The following SMC5 variants were observed in gnomAD, a reference collection of about 807,000 sequenced individuals.
SMC5 encodes the protein structural maintenance of chromosomes 5.
A neutral mutation model predicts 148.3 loss-of-function variants in SMC5; 88 were observed. That is an observed-to-expected ratio of 0.59 (90% confidence interval 0.50 to 0.71). The LOEUF is 0.71. SMC5 is among the 30% of genes least tolerant of loss of function. The probability of loss-of-function intolerance (pLI) is 0.00; values close to 1 mark genes in which losing one functional copy is unlikely to be tolerated. For synonymous variants in SMC5, 421 were observed against 432.8 expected (o/e 0.97, Z 0.34); for missense variants, 1,142 against 1,298.9 (o/e 0.88, Z 1.86).
chr9:70,260,802 G>C (rs567521429), intron 1 of SMC5, among the ~76,000 whole-genome samples: 32 of 152,182 alleles, frequency 2.1e-4, no homozygotes, highest in Non-Finnish European at 3.8e-4. Flanking sequence ...GAGCTCAGTG[G>C]CATGATCAGG....
chr9:70,345,524 G>C (rs1351730906), intron 18 of SMC5, among the ~76,000 whole-genome samples: 1 of 152,056 alleles, frequency 6.6e-6, no homozygotes, highest in Non-Finnish European at 1.5e-5. Context: ...GAACAGATCA[G>C]TCAAGTGAAG....
At chr9:70,342,504 G>GT (rs1351663432) in intron 17 of SMC5, among the ~76,000 whole-genome samples, 1 of 152,002 alleles carries the variant, frequency 6.6e-6, no homozygotes, top group Non-Finnish European at 1.5e-5. Flanking sequence ...ACCCCCAGCT[G>GT]TTTTTTGTGC....
Position 70,304,788 on chromosome 9 carries a change from A to T in SMC5, c.1465-459A>T, listed in dbSNP as rs1000506255. On this transcript the variant is annotated intron_variant, in intron 10 of 24. Transcript: ENST00000361138. ...GGGCTGTAATAGTTACAAATAAGCCATAGCAAGGTTTTTTTTTTTCCCCAT... is the reference window on the plus strand; with the variant it reads ...GGGCTGTAATAGTTACAAATAAGCCTTAGCAAGGTTTTTTTTTTTCCCCAT... Among the ~76,000 whole-genome samples, 9 of 147,826 alleles carry T rather than the reference A, an allele frequency of 6.1e-5. No individual in the cohort carries two copies. The South Asian group carries it at 2.0e-3, about 33-fold the overall frequency.
At chr9:70,347,891 T>C in intron 21 of SMC5, 28 bp from the exon 22 acceptor site, 12 of 1,553,528 alleles carry the variant, frequency 7.7e-6, no homozygotes, top group Non-Finnish European at 1.0e-5. Context: ...GCTTTTAAAT[T>C]GTGTTTTTAT....
In SMC5 at chr9:70,342,909, G is replaced by T. The variant is rs144214247; in HGVS notation, c.2398-1235G>T. On this transcript the variant is annotated intron_variant, in intron 17 of 24. Transcript: ENST00000361138. Reference sequence around the variant, plus strand: ...TAAAATTCATAATCACCTGTCCTTGGAATGTCATCTGCTGTATATGTTCCT... The same window carrying T: ...TAAAATTCATAATCACCTGTCCTTGTAATGTCATCTGCTGTATATGTTCCT... 3.9e-3 allele frequency among the ~76,000 whole-genome samples: 598 copies of T among 152,196 alleles called. 3 individuals are homozygous for T. Among genetic ancestry groups the T allele is most frequent in the African/African-American group, 0.013 (553 of 41,514 alleles).
At chr9:70,312,182 G>T (rs1440068526) in intron 11 of SMC5, 1 of 143,766 alleles carries the variant, frequency 7.0e-6, no homozygotes, top group Non-Finnish European at 1.5e-5. Flanking sequence ...AAGCAAAAGA[G>T]ATTTAATTGA....
At chr9:70,272,235 C>T (rs2034469302) in intron 3 of SMC5, among the ~76,000 whole-genome samples, 1 of 152,224 alleles carries the variant, frequency 6.6e-6, no homozygotes, top group African/African-American at 2.4e-5. Context: ...GACAGACCTA[C>T]TGCAGAAGGT....
At chr9:70,345,675 T>C (rs765279876) in intron 18 of SMC5, among the ~76,000 whole-genome samples, 3 of 151,838 alleles carry the variant, frequency 2.0e-5, no homozygotes, top group Non-Finnish European at 4.4e-5. Flanking sequence ...GAAGCCAAGA[T>C]TATGTAGGCC....
Position 70,353,076 on chromosome 9 carries a change from G to A in SMC5, c.*745G>A, listed in dbSNP as rs2036839487. ...GGTTTTTAAAGAATAACCTTTTAAA[G>A]TGTGGGGGCAGGGGTTGCTTTTTTT... On this transcript the variant is annotated 3_prime_UTR_variant, in exon 25 of 25. Coordinates refer to ENST00000361138, the MANE Select transcript of SMC5 (RefSeq NM_015110.4). The A allele has an allele frequency of 1.3e-5, 2 of 151,824 alleles. No individual in the cohort carries two copies. Among genetic ancestry groups the A allele is most frequent in the South Asian group, 2.1e-4 (1 of 4,814 alleles). 9.4% of individuals were successfully genotyped at this position (151,824 alleles called of 1,614,324 possible).
intron 8 of SMC5, among the ~76,000 whole-genome samples, chr9:70,296,070 G>A (rs2035193520): frequency 6.6e-6 from 1 of 152,058 alleles, no homozygotes; most frequent in Non-Finnish European, 1.5e-5. Context: ...GGGGATATGT[G>A]CATTTTGTTA....
rs1165122967 is a variant in SMC5, at chr9:70,344,282, A to G, written c.2523+13A>G. On this transcript the variant is annotated intron_variant, in intron 18 of 24. Coordinates refer to ENST00000361138, the MANE Select transcript of SMC5 (RefSeq NM_015110.4). ...AGAATACCAGACAGTAAGTATAAAA[A>G]GTATATAATGCTACAATTGCCATAT... 3 of 1,434,574 alleles carry G rather than the reference A, an allele frequency of 2.1e-6. No individual in the cohort carries two copies. The highest frequency in any genetic ancestry group is 2.5e-5 in the Admixed American group (1 of 39,600). The allele number at this position is 1,434,574 out of a possible 1,614,324, so 88.9% of individuals were successfully genotyped here.
At chr9:70,330,641 C>A (rs2036195209) in intron 17 of SMC5, among the ~76,000 whole-genome samples, 1 of 148,544 alleles carries the variant, frequency 6.7e-6, no homozygotes. Context: ...CTTCTGGGTT[C>A]AAGCGATTTT....
intron 10 of SMC5, among the ~76,000 whole-genome samples, chr9:70,302,150 TC>T (rs1283794703): frequency 2.6e-5 from 4 of 152,114 alleles, no homozygotes; most frequent in Non-Finnish European, 4.4e-5. Context: ...GGTAGGCAGA[TC>T]AGCTAACATC....
intron 10 of SMC5, among the ~76,000 whole-genome samples, chr9:70,301,511 T>C (rs897817469): frequency 1.5e-4 from 23 of 152,200 alleles, no homozygotes; most frequent in Non-Finnish European, 3.4e-4. Flanking sequence ...CCTACCATCA[T>C]ACACAAGTGA....
intron 10 of SMC5, among the ~76,000 whole-genome samples, chr9:70,302,091 G>C (rs1239635047): frequency 2.0e-5 from 3 of 152,194 alleles, no homozygotes; most frequent in Non-Finnish European, 4.4e-5. Flanking sequence ...CTTCCTTAAG[G>C]GTTGGGCACC....
At position 70,352,396 on chromosome 9, in the gene SMC5, C is replaced by A; in HGVS notation, c.*65C>A. ...AATTCTGTTTATAAGTATGGCTCAACTGAATAAAAGGAGATTCACTAAAAC... is the reference window on the plus strand; with the variant it reads ...AATTCTGTTTATAAGTATGGCTCAAATGAATAAAAGGAGATTCACTAAAAC... On this transcript the variant is annotated 3_prime_UTR_variant, in exon 25 of 25. Transcript: ENST00000361138. 6.9e-7 allele frequency: 1 copy of A among 1,458,244 alleles called. No homozygotes were observed. The highest frequency in any genetic ancestry group is 1.4e-5 in the South Asian group (1 of 71,354). 90.3% of individuals were successfully genotyped at this position (1,458,244 alleles called of 1,614,324 possible). A position where few individuals can be genotyped will look rare whatever the true frequency, so the allele number is the denominator to read the frequency against.
chr9:70,267,809 A>T (rs1053904450), intron 2 of SMC5, 114 bp from the exon 3 acceptor site: 2 of 839,538 alleles, frequency 2.4e-6, no homozygotes, highest in Non-Finnish European at 1.9e-6. Context: ...GAGCGAACAT[A>T]CAAGTGGTAC....
At chr9:70,273,361 C>A (rs1180110) in intron 3 of SMC5, among the ~76,000 whole-genome samples, 1 of 151,634 alleles carries the variant, frequency 6.6e-6, no homozygotes, top group African/African-American at 2.4e-5. Context: ...GACATGAATA[C>A]CATCCTCTTA....
chr9:70,288,950 T>C (rs956650953), intron 8 of SMC5, among the ~76,000 whole-genome samples: 1 of 152,240 alleles, frequency 6.6e-6, no homozygotes, highest in African/African-American at 2.4e-5. Flanking sequence ...CACACACATA[T>C]ATACATACGT....
Sources: gnomAD v4.1 joint callset for allele counts (sites outside exome capture counted in the v4.1 genomes callset) on GRCh38, gnomAD v4.1.1 for gene constraint, MANE v1.5 for transcripts, NCBI Gene and HGNC (gene_info 2026-07-23, HGNC 2026-07-21) for gene names.